PHTF1: variants seen among roughly 807,000 people sequenced by gnomAD.
The protein encoded by PHTF1 is putative homeodomain transcription factor 1.
PHTF1 carries 88 observed loss-of-function variants against 102.4 expected under a neutral mutation model. That is an observed-to-expected ratio of 0.86 (90% confidence interval 0.72 to 1.03). The LOEUF (loss-of-function observed/expected upper bound fraction) is 1.03, where lower values mean the gene tolerates loss of function less well. Among genes scored for constraint, PHTF1 ranks in the 50% least tolerant of loss-of-function variants. The pLI is 0.00. For synonymous variants in PHTF1, 289 were observed against 305.2 expected, an observed-to-expected ratio of 0.95 and a Z score of 0.55; for missense variants, 814 against 909.5, an observed-to-expected ratio of 0.89 and a Z score of 1.35.
intron 7 of PHTF1, among the ~76,000 whole-genome samples, chr1:113,723,446 G>C (rs1054442892): frequency 6.6e-6 from 1 of 152,128 alleles, no homozygotes; most frequent in Non-Finnish European, 1.5e-5. Context: ...CCAAAGTGCT[G>C]GGATTACAGG....
chr1:113,752,493 C>A (rs184473758), intron 3 of PHTF1, among the ~76,000 whole-genome samples: 1 of 148,162 alleles, frequency 6.7e-6, no homozygotes, highest in Non-Finnish European at 1.5e-5. Context: ...TCTGCCTCCC[C>A]GGGTTCACGC....
At chr1:113,739,556 G>A (rs1258189717) in intron 3 of PHTF1, among the ~76,000 whole-genome samples, 1 of 152,084 alleles carries the variant, frequency 6.6e-6, no homozygotes, top group Non-Finnish European at 1.5e-5. Flanking sequence ...CTATCACCTT[G>A]AACATTTATC....
At chr1:113,720,126 G>A (rs974311029) in intron 7 of PHTF1, among the ~76,000 whole-genome samples, 2 of 152,024 alleles carry the variant, frequency 1.3e-5, no homozygotes, top group African/African-American at 4.8e-5. Flanking sequence ...TATTTGGGTG[G>A]GGACACAGCC....
intron 5 of PHTF1, among the ~76,000 whole-genome samples, chr1:113,735,365 CAAA>C (rs749964684): frequency 7.0e-5 from 2 of 28,444 alleles, no homozygotes; most frequent in African/African-American, 2.6e-4. Flanking sequence ...GACTCTGTCT[CAAA>C]AAAAAAAAAA....
At chr1:113,748,277 C>T (rs1335983312) in intron 3 of PHTF1, among the ~76,000 whole-genome samples, 4 of 151,978 alleles carry the variant, frequency 2.6e-5, no homozygotes, top group African/African-American at 2.4e-5. Flanking sequence ...CCATGCCCAA[C>T]GAAAAGATCC....
intron 1 of PHTF1, 123 bp downstream of exon 1, chr1:113,758,900 G>T (rs1015817716): frequency 2.1e-5 from 27 of 1,297,112 alleles, no homozygotes; most frequent in Non-Finnish European, 2.5e-5. Context: ...TGGCGCAGCG[G>T]CGACCGGAGA....
At chr1:113,700,326 A>T (rs188355589) in intron 16 of PHTF1, 106 of 267,818 alleles carry the variant, frequency 4.0e-4, no homozygotes, top group Non-Finnish European at 4.9e-4. Flanking sequence ...AAACAAAATT[A>T]AAAAAACTTT....
At chr1:113,717,796 A>C (rs971430348) in intron 7 of PHTF1, among the ~76,000 whole-genome samples, 4 of 152,160 alleles carry the variant, frequency 2.6e-5, no homozygotes, top group Non-Finnish European at 5.9e-5. Flanking sequence ...TATCACGAGA[A>C]TAGCATGGGA....
intron 11 of PHTF1, among the ~76,000 whole-genome samples, chr1:113,709,410 A>C (rs1427709089): frequency 1.3e-5 from 2 of 152,236 alleles, no homozygotes; most frequent in Non-Finnish European, 2.9e-5. Flanking sequence ...ACTATTTGCA[A>C]GACAATGTGG....
rs372523808 is a variant in PHTF1 at position 113,700,857 on chromosome 1, C to T, written c.1983G>A (p.Leu661=). The T allele has an allele frequency of 4.3e-6, 7 of 1,612,220 alleles. No homozygotes were observed. Among genetic ancestry groups the T allele is most frequent in the Admixed American group, 1.7e-5 (1 of 59,464 alleles). ...TATTGGTTTCAGACCCCAGTGAGGC[C>T]AGACGCAATAAAAAAAGTAGTAAAG... The part of the protein sequence containing the change: ...ETALLLFLLR[L]ASLGSETNKK... The change falls in exon 16 of 19, where the codon CTG becomes CTA. Residue 661 remains leucine (L), a synonymous_variant. Coordinates refer to ENST00000369604, the MANE Select transcript of PHTF1 (RefSeq NM_001323043.2).
At chr1:113,713,112 A>T (rs1374276327) in intron 8 of PHTF1, among the ~76,000 whole-genome samples, 167 bp downstream of exon 8, 1 of 152,168 alleles carries the variant, frequency 6.6e-6, no homozygotes, top group Non-Finnish European at 1.5e-5. Flanking sequence ...AAATTTTAAG[A>T]CTAAGTTCCA....
Position 113,710,299 on chromosome 1 carries a change from AAGGGTATT to A in PHTF1, c.1216_1223del (p.Asn406SerfsTer7). ...TGGGGTCACGTTTGGTCCCTGAGTG[AAGGGTATT>A]CACATGGGCCCCCTCACTGTCACTG... On this transcript the variant is annotated frameshift_variant, in exon 11 of 19. Transcript: ENST00000369604. LOFTEE classifies it high-confidence loss of function. The A allele has an allele frequency of 6.2e-7, 1 of 1,613,976 alleles. No homozygotes were observed. The highest frequency in any genetic ancestry group is 8.5e-7 in the Non-Finnish European group (1 of 1,179,988).
At chr1:113,724,731 T>C (rs1234172614) in intron 7 of PHTF1, 28 bp downstream of exon 7, 7 of 1,571,498 alleles carry the variant, frequency 4.5e-6, no homozygotes, top group Non-Finnish European at 5.2e-6. Context: ...ACTACGTGAA[T>C]ACAAAATCAA....
In PHTF1 at chr1:113,759,052, CCGGG is replaced by C; in HGVS notation, c.-64_-61del. 9.9e-7 allele frequency: 1 copy of C among 1,007,484 alleles called. No homozygotes were observed. 62.4% of individuals were successfully genotyped at this position (1,007,484 alleles called of 1,614,324 possible). ...TGCCCGTTGCCCCGCGGGCCGGCGC[CCGGG>C]ACCTCCGTCCTCAGTGCCCGGGGTC... On this transcript the variant is annotated 5_prime_UTR_variant, in exon 1 of 19. It removes the in-frame stop codon of an upstream open reading frame in the 5' UTR. Transcript: ENST00000369604.
At chr1:113,731,506 G>A (rs1654630766) in intron 5 of PHTF1, among the ~76,000 whole-genome samples, 2 of 151,778 alleles carry the variant, frequency 1.3e-5, no homozygotes, top group Admixed American at 1.3e-4. Flanking sequence ...ACTCCAGCCT[G>A]GGAGTAAGAG....
At chr1:113,726,955 T>C (rs1557940207) in intron 5 of PHTF1, among the ~76,000 whole-genome samples, 2 of 152,126 alleles carry the variant, frequency 1.3e-5, no homozygotes, top group Non-Finnish European at 2.9e-5. Flanking sequence ...TGAACCCAGG[T>C]AGTCAGGCTC....
At chr1:113,744,970 A>AGGGGAGGGGAGTT (rs1553234080) in intron 3 of PHTF1, among the ~76,000 whole-genome samples, 1 of 55,282 alleles carries the variant, frequency 1.8e-5, no homozygotes, top group African/African-American at 7.0e-5. Flanking sequence ...ATGGAAGGGA[A>AGGGGAGGGGAGTT]GGGGAGGGGA....
intron 3 of PHTF1, among the ~76,000 whole-genome samples, 177 bp downstream of exon 3, chr1:113,757,522 T>G (rs1659062952): frequency 1.3e-5 from 2 of 152,218 alleles, no homozygotes; most frequent in Non-Finnish European, 2.9e-5. Context: ...GTTTTCCTGA[T>G]AGTGAGGCCA....
Position 113,699,707 on chromosome 1 carries a change from C to T in PHTF1, c.2139G>A (p.Leu713=). Reference sequence around the variant, plus strand: ...TGTATCATAGCCTATGACTTACTTTCAACAACTTGGTGGACAGCTTTAATA... The same window carrying T: ...TGTATCATAGCCTATGACTTACTTTTAACAACTTGGTGGACAGCTTTAATA... ...NNVLKLSTKL[L]KELDTPFRLY... Residue 713 remains leucine (L), a synonymous_variant, in exon 17 of 19, where the codon TTG becomes TTA. Transcript: ENST00000369604. 1 of 1,363,214 alleles carries T rather than the reference C, an allele frequency of 7.3e-7. No homozygotes were observed. The highest frequency in any genetic ancestry group is 1.0e-6 in the Non-Finnish European group (1 of 966,456). 84.4% of individuals were successfully genotyped at this position (1,363,214 alleles called of 1,614,324 possible). A position where few individuals can be genotyped will look rare whatever the true frequency, so the allele number is the denominator to read the frequency against.
Sources: allele counts gnomAD v4.1 joint callset (sites outside exome capture counted in the v4.1 genomes callset), GRCh38; gene constraint gnomAD v4.1.1; transcripts MANE v1.5; gene names NCBI Gene and HGNC (gene_info 2026-07-23, HGNC 2026-07-21).